WWTR1: variants seen among roughly 807,000 people sequenced by gnomAD.
The protein encoded by WWTR1 is WW domain containing transcription regulator 1.
In WWTR1, 13 loss-of-function variants were observed where a neutral mutation model predicts 40.1. The ratio of observed to expected loss-of-function variants is 0.32; its 90% CI spans 0.21 to 0.52. The LOEUF (loss-of-function observed/expected upper bound fraction) is 0.52, where lower values mean the gene tolerates loss of function less well. WWTR1 is among the 20% of genes least tolerant of loss of function. The pLI, the probability that WWTR1 is intolerant of heterozygous loss-of-function variation, is 0.97. For synonymous variants in WWTR1, 230 were observed against 210.1 expected, an observed-to-expected ratio of 1.09 and a Z score of -0.82; for missense variants, 436 against 523.1, an observed-to-expected ratio of 0.83 and a Z score of 1.63.
intron 2 of WWTR1, among the ~76,000 whole-genome samples, chr3:149,651,864 C>G (rs1413364722): frequency 1.4e-5 from 2 of 138,960 alleles, no homozygotes; most frequent in South Asian, 2.3e-4. Context: ...GAGTCTGGCT[C>G]TGTTGCCCAG....
chr3:149,619,644 G>GTA (rs1480664939), intron 2 of WWTR1, among the ~76,000 whole-genome samples: 14 of 151,874 alleles, frequency 9.2e-5, no homozygotes, highest in Admixed American at 9.2e-4. Flanking sequence ...AAACAAACAG[G>GTA]TATATAGCAC....
chr3:149,627,622 C>T (rs534641899), intron 2 of WWTR1, among the ~76,000 whole-genome samples: 1 of 152,280 alleles, frequency 6.6e-6, no homozygotes, highest in East Asian at 1.9e-4. Context: ...TGTATTAAAC[C>T]AAACAGAGAT....
At chr3:149,627,719 C>T (rs1189666821) in intron 2 of WWTR1, among the ~76,000 whole-genome samples, 2 of 152,162 alleles carry the variant, frequency 1.3e-5, no homozygotes, top group South Asian at 2.1e-4. Context: ...TATTTGTAGC[C>T]TGAGAGGGTC....
At chr3:149,583,444 T>A (rs1301927914) in intron 2 of WWTR1, among the ~76,000 whole-genome samples, 1 of 152,148 alleles carries the variant, frequency 6.6e-6, no homozygotes, top group Non-Finnish European at 1.5e-5. Flanking sequence ...GCTTAAGTGA[T>A]CCTCCTGCCT....
intron 1 of WWTR1, among the ~76,000 whole-genome samples, chr3:149,698,195 T>C (rs1375440192): frequency 6.6e-6 from 1 of 152,210 alleles, no homozygotes. Context: ...TCATCTTGAA[T>C]TGTAATAATC....
intron 6 of WWTR1, among the ~76,000 whole-genome samples, chr3:149,524,343 TTTGA>T (rs1163957339): frequency 1.4e-5 from 2 of 147,170 alleles, no homozygotes; most frequent in Non-Finnish European, 3.0e-5. Context: ...TTTTTTTTTT[TTTGA>T]ATGTCAAACT....
At chr3:149,711,479 G>T (rs1715477053) in intron 5 of WWTR1, among the ~76,000 whole-genome samples, 1 of 152,094 alleles carries the variant, frequency 6.6e-6, no homozygotes, top group South Asian at 2.1e-4. Flanking sequence ...GGTACTAGGG[G>T]TACTAGAGCT....
At chr3:149,624,028 C>G (rs1740434618) in intron 2 of WWTR1, among the ~76,000 whole-genome samples, 2 of 152,208 alleles carry the variant, frequency 1.3e-5, no homozygotes, top group Admixed American at 1.3e-4. Context: ...TGCCCAGAAT[C>G]ACTTCCCTTC....
At chr3:149,614,259 T>A (rs1051076271) in intron 2 of WWTR1, among the ~76,000 whole-genome samples, 2 of 152,146 alleles carry the variant, frequency 1.3e-5, no homozygotes, top group Non-Finnish European at 2.9e-5. Flanking sequence ...CCTGGCAACA[T>A]CGTAGCTGTG....
At chr3:149,570,755 T>C (rs930974980) in intron 3 of WWTR1, among the ~76,000 whole-genome samples, 14 of 152,326 alleles carry the variant, frequency 9.2e-5, no homozygotes, top group African/African-American at 3.4e-4. Flanking sequence ...TGCATGCATG[T>C]ATGCACATAC....
At chr3:149,686,031 T>C (rs1490535016) in intron 1 of WWTR1, among the ~76,000 whole-genome samples, 1 of 152,206 alleles carries the variant, frequency 6.6e-6, no homozygotes, top group Non-Finnish European at 1.5e-5. Flanking sequence ...TTTCTTTGCA[T>C]GTTGTTTCAA....
intron 2 of WWTR1, among the ~76,000 whole-genome samples, chr3:149,650,829 A>T (rs1395531979): frequency 6.6e-6 from 1 of 152,160 alleles, no homozygotes; most frequent in Non-Finnish European, 1.5e-5. Flanking sequence ...AGGAAAGTTG[A>T]CTCTAACTCC....
At chr3:149,623,753 C>A (rs1271374445) in intron 2 of WWTR1, among the ~76,000 whole-genome samples, 2 of 152,142 alleles carry the variant, frequency 1.3e-5, no homozygotes, top group East Asian at 3.9e-4. Context: ...AAGATACAAT[C>A]CTGATAAGCA....
rs1321821126 is a variant in WWTR1, at chr3:149,517,816, G to A, written c.*2989C>T. Reference sequence around the variant, plus strand: ...GACAATGTATTTACTTCAAGACAATGTATTTTATCAGGAAAAAATATCTTG... The same window carrying A: ...GACAATGTATTTACTTCAAGACAATATATTTTATCAGGAAAAAATATCTTG... On this transcript the variant is annotated 3_prime_UTR_variant, in exon 7 of 7. Transcript: ENST00000360632. 2.0e-5 allele frequency: 3 copies of A among 152,130 alleles called. No individual in the cohort carries two copies. In the East Asian group the frequency reaches 5.8e-4, roughly 29 times the overall value. The allele number at this position is 152,130 out of a possible 1,614,324, so 9.4% of individuals were successfully genotyped here.
intron 2 of WWTR1, among the ~76,000 whole-genome samples, chr3:149,635,045 C>T (rs1711741186): frequency 1.3e-5 from 2 of 152,156 alleles, no homozygotes. Flanking sequence ...TGATCTTGAC[C>T]AAAGAGCCCT....
At position 149,590,796 on chromosome 3, in the gene WWTR1, G is replaced by T. The variant is rs185799288; in HGVS notation, c.432-17796C>A. On this transcript the variant is annotated intron_variant, in intron 2 of 6. Transcript: ENST00000360632. ...AATACTGCCTTGTGAACCCAAAGAG[G>T]CTGACGTGCATAACTTGGGCCATTA... Among the ~76,000 whole-genome samples, 26 of 152,290 alleles carry T rather than the reference G, an allele frequency of 1.7e-4. 1 individual carries two copies. The highest frequency in any genetic ancestry group is 1.7e-3 in the Admixed American group (26 of 15,302).
intron 4 of WWTR1, among the ~76,000 whole-genome samples, chr3:149,536,483 G>T (rs1055173173): frequency 3.5e-4 from 42 of 119,932 alleles, no homozygotes; most frequent in African/African-American, 1.4e-3. Flanking sequence ...AAAAAAAAAA[G>T]GGGGGGGCCT....
chr3:149,680,854 T>C (rs1714439449), intron 1 of WWTR1, among the ~76,000 whole-genome samples: 2 of 152,112 alleles, frequency 1.3e-5, no homozygotes, highest in South Asian at 4.1e-4. Context: ...AAATAAAAAT[T>C]GACTCTTATT....
At chr3:149,703,449 C>T (rs1025064802), upstream of WWTR1, 1 of 152,204 alleles carries the variant, frequency 6.6e-6, no homozygotes, top group Non-Finnish European at 1.5e-5. Context: ...TAAATGAACA[C>T]ATTTACAAAG....
Sources: gnomAD v4.1 joint callset for allele counts (sites outside exome capture counted in the v4.1 genomes callset) on GRCh38, gnomAD v4.1.1 for gene constraint, MANE v1.5 for transcripts, NCBI Gene and HGNC (gene_info 2026-07-23, HGNC 2026-07-21) for gene names.